PTPRD: variants seen among roughly 807,000 people sequenced by gnomAD.
PTPRD encodes receptor-type tyrosine-protein phosphatase delta.
A neutral mutation model predicts 214.5 loss-of-function variants in PTPRD; 34 were observed. The observed-to-expected ratio is 0.16, with a 90% CI of 0.12 to 0.21. PTPRD has a LOEUF of 0.21. PTPRD is among the 10% of genes least tolerant of loss of function. The pLI is 1.00. For missense variants in PTPRD, 2,545 were observed against 2,398.7 expected, an observed-to-expected ratio of 1.06 and a Z score of -1.27; for synonymous variants, 1,128 against 845.7, an observed-to-expected ratio of 1.33 and a Z score of -5.79.
In PTPRD at chr9:8,436,648, C is replaced by G; in HGVS notation, c.4030G>C (p.Asp1344His). ...TTTGCTTTCAATCTTTCAATGTGGT[C>G]TGCAAGTTCCAAGATGGGTATTGGA... is the stretch of plus-strand genomic sequence containing the variant. ...HPPIPILELA[D>H]HIERLKANDN... Residue 1344 changes from aspartate to histidine, a missense_variant, in exon 35 of 46, where the codon GAC (aspartate) becomes CAC (histidine). By Grantham distance (81) the Asp-to-His change is moderately conservative. Coordinates refer to ENST00000381196, the MANE Select transcript of PTPRD (RefSeq NM_002839.4). The G allele has an allele frequency of 1.2e-6, 2 of 1,613,540 alleles. No homozygotes were observed. Among genetic ancestry groups the G allele is most frequent in the Non-Finnish European group, 1.7e-6 (2 of 1,179,750 alleles).
intron 11 of PTPRD, among the ~76,000 whole-genome samples, chr9:8,803,452 A>G (rs1469321276): frequency 6.6e-6 from 1 of 152,182 alleles, no homozygotes; most frequent in Non-Finnish European, 1.5e-5. Flanking sequence ...CTCTGTTCAG[A>G]TCCTTTTAGC....
chr9:9,964,664 T>C (rs1374571045), intron 4 of PTPRD, among the ~76,000 whole-genome samples: 1 of 152,192 alleles, frequency 6.6e-6, no homozygotes, highest in Admixed American at 6.5e-5. Context: ...GTTTAGTTTA[T>C]AAGCCTATTC....
chr9:9,507,055 C>T (rs748439659), intron 8 of PTPRD, among the ~76,000 whole-genome samples: 20 of 151,200 alleles, frequency 1.3e-4, no homozygotes, highest in Non-Finnish European at 2.5e-4. Context: ...TATGAAACAA[C>T]AGTAAATGGA....
intron 4 of PTPRD, among the ~76,000 whole-genome samples, chr9:9,991,832 CCACACACA>C (rs56267970): frequency 0.063 from 9,353 of 147,472 alleles, 447 homozygotes; most frequent in African/African-American, 0.11. Context: ...TTCAACAGCA[CCACACACA>C]CACACACACA....
At chr9:9,679,687 A>C (rs2097023516) in intron 7 of PTPRD, among the ~76,000 whole-genome samples, 1 of 151,924 alleles carries the variant, frequency 6.6e-6, no homozygotes. Context: ...CCAACTTGTT[A>C]GCGATTAACA....
chr9:10,300,014 TA>T (rs1201080822), intron 3 of PTPRD, among the ~76,000 whole-genome samples: 6 of 152,174 alleles, frequency 3.9e-5, no homozygotes, highest in Admixed American at 6.5e-5. Flanking sequence ...TTCATTGCAC[TA>T]ATAAATCCTA....
intron 9 of PTPRD, among the ~76,000 whole-genome samples, chr9:9,328,138 C>T (rs2040768516): frequency 6.6e-6 from 1 of 152,048 alleles, no homozygotes; most frequent in Non-Finnish European, 1.5e-5. Flanking sequence ...TTGAATCCAA[C>T]ATGACAAATC....
chr9:9,799,833 C>G (rs1285631505), intron 5 of PTPRD, among the ~76,000 whole-genome samples: 1 of 152,128 alleles, frequency 6.6e-6, no homozygotes, highest in Non-Finnish European at 1.5e-5. Flanking sequence ...TAAAGGGAAT[C>G]TAGACTGAGA....
At position 8,934,493 on chromosome 9, in the gene PTPRD, A is replaced by AT. The variant is rs1491494905; in HGVS notation, c.-104+84203_-104+84204insA. ...TATATATATAAATATATATATATAT[A>AT]AATATATATATAAATATATATATAT... On this transcript the variant is annotated intron_variant, in intron 11 of 45. Coordinates refer to ENST00000381196, the MANE Select transcript of PTPRD (RefSeq NM_002839.4). 3.5e-3 allele frequency among the ~76,000 whole-genome samples: 15 copies of AT among 4,334 alleles called. 1 individual carries two copies. Among genetic ancestry groups the AT allele is most frequent in the South Asian group, 0.017 (2 of 118 alleles). 2.8% of individuals were successfully genotyped at this position (4,334 alleles called of 152,430 possible).
intron 35 of PTPRD, among the ~76,000 whole-genome samples, chr9:8,405,344 ATG>A (rs1400936768): frequency 2.0e-5 from 3 of 152,012 alleles, no homozygotes; most frequent in East Asian, 3.8e-4. Flanking sequence ...ATTTATTATT[ATG>A]TGTTATTATG....
At chr9:8,624,950 GTC>G (rs1478532214) in intron 14 of PTPRD, among the ~76,000 whole-genome samples, 1 of 151,564 alleles carries the variant, frequency 6.6e-6, no homozygotes, top group African/African-American at 2.4e-5. Context: ...TACCCAAATG[GTC>G]TCTTAATGCA....
At chr9:8,941,477 G>C (rs1196140709) in intron 11 of PTPRD, among the ~76,000 whole-genome samples, 1 of 152,024 alleles carries the variant, frequency 6.6e-6, no homozygotes, top group Non-Finnish European at 1.5e-5. Flanking sequence ...ATGGGTCCTG[G>C]CTCCACTAAT....
chr9:9,228,136 G>A (rs2099960736), intron 9 of PTPRD, among the ~76,000 whole-genome samples: 1 of 151,992 alleles, frequency 6.6e-6, no homozygotes, highest in African/African-American at 2.4e-5. Context: ...ACATATATAT[G>A]CCTGTATTTC....
At chr9:10,326,692 T>C (rs1565312427) in intron 3 of PTPRD, among the ~76,000 whole-genome samples, 1 of 151,624 alleles carries the variant, frequency 6.6e-6, no homozygotes, top group South Asian at 2.1e-4. Context: ...AAAGCATCTA[T>C]AAAACCTACT....
chr9:9,730,921 T>G (rs2098178884), intron 7 of PTPRD, among the ~76,000 whole-genome samples: 1 of 152,170 alleles, frequency 6.6e-6, no homozygotes, highest in South Asian at 2.1e-4. Flanking sequence ...TGTACATCAT[T>G]GTGCATATGT....
chr9:9,873,125 C>T (rs546789502), intron 5 of PTPRD, among the ~76,000 whole-genome samples: 5 of 152,214 alleles, frequency 3.3e-5, no homozygotes, highest in African/African-American at 1.2e-4. Flanking sequence ...ACTGAATCTC[C>T]TACCATAGTG....
In PTPRD at chr9:8,315,883, T is replaced by A. The variant is rs557837150; in HGVS notation, c.*1991A>T. 8.9e-6 allele frequency: 2 copies of A among 225,642 alleles called. No homozygotes were observed. The highest frequency in any genetic ancestry group is 1.8e-4 in the South Asian group (1 of 5,444). The allele number at this position is 225,642 out of a possible 1,614,324, so 14.0% of individuals were successfully genotyped here. A position where few individuals can be genotyped will look rare whatever the true frequency, so the allele number is the denominator to read the frequency against. ...AATCATGTAATATGTGGCAAACTTA[T>A]GCCATCATCCATGGCTTCCTATAGA... On this transcript the variant is annotated 3_prime_UTR_variant, in exon 46 of 46. Transcript: ENST00000381196.
chr9:9,470,435 T>C (rs72704667), intron 8 of PTPRD, among the ~76,000 whole-genome samples: 1 of 152,324 alleles, frequency 6.6e-6, no homozygotes, highest in Non-Finnish European at 1.5e-5. Flanking sequence ...TATTGTTATT[T>C]AGCAGAAACT....
chr9:10,106,807 G>A (rs185522679), intron 3 of PTPRD, among the ~76,000 whole-genome samples: 25 of 152,084 alleles, frequency 1.6e-4, no homozygotes, highest in African/African-American at 6.0e-4. Flanking sequence ...TTTAAGGTCA[G>A]CTTAAATATG....
Sources: allele counts gnomAD v4.1 joint callset (sites outside exome capture counted in the v4.1 genomes callset), GRCh38; gene constraint gnomAD v4.1.1; transcripts MANE v1.5; gene names NCBI Gene and HGNC (gene_info 2026-07-23, HGNC 2026-07-21).